Variants in FGF12 observed in about 807,000 individuals in gnomAD.
FGF12 encodes fibroblast growth factor 12.
Under a neutral mutation model 23.6 loss-of-function variants are expected in FGF12, and 14 were observed. The ratio of observed to expected loss-of-function variants is 0.59; its 90% CI spans 0.39 to 0.93. The LOEUF (loss-of-function observed/expected upper bound fraction) is 0.93, where lower values mean the gene tolerates loss of function less well. Ranked by LOEUF, FGF12 falls within the 40% of genes least tolerant of loss-of-function variation. The pLI is 0.00. For missense variants in FGF12, 175 were observed against 217.8 expected (o/e 0.80, Z 1.24); for synonymous variants, 62 against 77.3 (o/e 0.80, Z 1.04).
intron 2 of FGF12, among the ~76,000 whole-genome samples, chr3:192,365,701 C>T (rs1171761984): frequency 1.3e-5 from 2 of 152,108 alleles, no homozygotes; most frequent in East Asian, 1.9e-4. Context: ...TTCAATACTG[C>T]TTCCCATCAG....
chr3:192,177,724 T>C (rs1715939931), intron 4 of FGF12, among the ~76,000 whole-genome samples: 1 of 152,192 alleles, frequency 6.6e-6, no homozygotes, highest in Admixed American at 6.5e-5. Flanking sequence ...TTCAAATCCT[T>C]CACAATCAAT....
chr3:192,427,712 G>A lies in FGF12; in HGVS notation c.14-67174C>T, dbSNP rs191509687. On this transcript the variant is annotated intron_variant, in intron 2 of 5. Transcript: ENST00000445105. ...GACAATTTTTTCAAGAGCAGATACT[G>A]AGAGGCTCTTGAAGTGCATTCCCTG... Among the ~76,000 whole-genome samples the A allele has an allele frequency of 3.3e-3, 496 of 152,272 alleles. 1 individual carries two copies. The highest frequency in any genetic ancestry group is 4.9e-3 in the Non-Finnish European group (332 of 68,020).
intron 2 of FGF12, among the ~76,000 whole-genome samples, chr3:192,374,357 T>C (rs529618565): frequency 1.3e-5 from 2 of 152,326 alleles, no homozygotes; most frequent in South Asian, 4.1e-4. Context: ...ACAAATTAGA[T>C]ACAATGGTCA....
At chr3:192,217,165 T>C (rs1292684941) in intron 4 of FGF12, among the ~76,000 whole-genome samples, 1 of 152,198 alleles carries the variant, frequency 6.6e-6, no homozygotes, top group Non-Finnish European at 1.5e-5. Flanking sequence ...AAGGCCTTAG[T>C]TTCCTCATCC....
chr3:192,414,932 T>C (rs889105249), intron 2 of FGF12, among the ~76,000 whole-genome samples: 1 of 152,102 alleles, frequency 6.6e-6, no homozygotes, highest in Non-Finnish European at 1.5e-5. Flanking sequence ...GGTTTTACTA[T>C]TGTTGGCCAA....
intron 2 of FGF12, among the ~76,000 whole-genome samples, chr3:192,594,155 A>G (rs1298602915): frequency 1.3e-5 from 2 of 151,916 alleles, no homozygotes; most frequent in African/African-American, 4.8e-5. Context: ...AGGCTTTGAT[A>G]GTGAAACACG....
chr3:192,682,894 A>G (rs1482170879), intron 2 of FGF12, among the ~76,000 whole-genome samples: 1 of 151,918 alleles, frequency 6.6e-6, no homozygotes, highest in Admixed American at 6.6e-5. Context: ...CCTAATAAAA[A>G]CTCTGGACCT....
At chr3:192,324,581 A>C (rs1240651351) in intron 4 of FGF12, among the ~76,000 whole-genome samples, 1 of 152,246 alleles carries the variant, frequency 6.6e-6, no homozygotes. Context: ...TACACATAAG[A>C]AAACAATCTA....
At chr3:192,698,967 C>T (rs772503106) in intron 2 of FGF12, among the ~76,000 whole-genome samples, 4 of 152,092 alleles carry the variant, frequency 2.6e-5, no homozygotes, top group East Asian at 1.9e-4. Flanking sequence ...AGAAAAGTTC[C>T]GTATGTTAAT....
rs532298173 is a variant in FGF12 at position 192,336,757 on chromosome 3, G to A, written c.125-1293C>T. ...ATTTAGGGATGCCTCTATTTTTCTCGGCTTCTCTCAACCTACAATAGTAAG... is the reference window on the plus strand; with the variant it reads ...ATTTAGGGATGCCTCTATTTTTCTCAGCTTCTCTCAACCTACAATAGTAAG... On this transcript the variant is annotated intron_variant, in intron 3 of 5. Coordinates refer to ENST00000445105, the MANE Select transcript of FGF12 (RefSeq NM_004113.6). This position sits in a 1 kb window ranked among gnomAD's most constrained non-coding sequence, Gnocchi z 4.3. Among the ~76,000 whole-genome samples the A allele has an allele frequency of 2.0e-5, 3 of 151,764 alleles. No homozygotes were observed. Among genetic ancestry groups the A allele is most frequent in the East Asian group, 3.9e-4 (2 of 5,142 alleles).
intron 2 of FGF12, among the ~76,000 whole-genome samples, chr3:192,577,775 T>A (rs544082690): frequency 3.3e-5 from 5 of 152,358 alleles, no homozygotes; most frequent in Non-Finnish European, 5.9e-5. Flanking sequence ...CACAATGATA[T>A]GCATAGTATT....
chr3:192,228,177 T>C (rs1476771967), intron 4 of FGF12, among the ~76,000 whole-genome samples: 2 of 151,472 alleles, frequency 1.3e-5, no homozygotes, highest in East Asian at 3.9e-4. Context: ...AGTATATGGG[T>C]AGTTAATATA....
chr3:192,474,336 G>A (rs1347460883), intron 2 of FGF12, among the ~76,000 whole-genome samples: 1 of 152,016 alleles, frequency 6.6e-6, no homozygotes, highest in Non-Finnish European at 1.5e-5. Context: ...TCATTTTAGG[G>A]GCAAGTAATT....
chr3:192,244,092 T>C (rs899250421), intron 4 of FGF12, among the ~76,000 whole-genome samples: 2 of 152,114 alleles, frequency 1.3e-5, no homozygotes, highest in South Asian at 2.1e-4. Context: ...GCAGAAAAAT[T>C]GGCACTGTCG....
rs1553849219 is a variant in FGF12 at position 192,719,802 on chromosome 3, A to AAAC, written c.13+7378_13+7379insGTT. Among the ~76,000 whole-genome samples, 386 of 138,956 alleles carry AAAC rather than the reference A, an allele frequency of 2.8e-3. 4 individuals are homozygous for AAAC. Among genetic ancestry groups the AAAC allele is most frequent in the African/African-American group, 7.0e-3 (259 of 37,120 alleles). 91.2% of individuals were successfully genotyped at this position (138,956 alleles called of 152,430 possible). ...GACTAAGGGCAAAAAAAAAAAAAAA[A>AAAC]AAGAAAAACAAGAAAAACAACCCAA... On this transcript the variant is annotated intron_variant, in intron 2 of 5. Transcript: ENST00000445105.
chr3:192,546,636 C>G (rs1435495895), intron 2 of FGF12, among the ~76,000 whole-genome samples: 1 of 152,082 alleles, frequency 6.6e-6, no homozygotes, highest in Non-Finnish European at 1.5e-5. Context: ...TTATCTGATT[C>G]ACCAATGTAT....
At chr3:192,190,601 G>A (rs1375194249) in intron 4 of FGF12, among the ~76,000 whole-genome samples, 7 of 146,376 alleles carry the variant, frequency 4.8e-5, no homozygotes, top group African/African-American at 1.0e-4. Context: ...TCAGCCTCCC[G>A]AGTAGCTGGG....
chr3:192,354,953 A>T (rs34517090), intron 3 of FGF12, among the ~76,000 whole-genome samples: 1 of 152,164 alleles, frequency 6.6e-6, no homozygotes, highest in South Asian at 2.1e-4. Context: ...CAGGTGATCC[A>T]CCCACCTCTG....
chr3:192,158,344 T>TTC (rs544876570), intron 5 of FGF12, among the ~76,000 whole-genome samples: 6,720 of 92,148 alleles, frequency 0.073, 248 homozygotes, highest in Admixed American at 0.096. Context: ...CTTTCTTTCT[T>TTC]TCTTTCTTTC....
Sources: allele counts gnomAD v4.1 joint callset (sites outside exome capture counted in the v4.1 genomes callset), GRCh38; gene constraint gnomAD v4.1.1; non-coding constraint Gnocchi (gnomAD v3.1); transcripts MANE v1.5; gene names NCBI Gene and HGNC (gene_info 2026-07-23, HGNC 2026-07-21).